The following TMEM135 variants were observed in gnomAD, a reference collection of about 807,000 sequenced individuals.
The protein encoded by TMEM135 is transmembrane protein 135, also known as peroxisomal membrane protein 52.
Under a neutral mutation model 60.3 loss-of-function variants are expected in TMEM135, and 30 were observed. That is an observed-to-expected ratio of 0.50 (90% CI 0.37 to 0.68). The LOEUF is 0.68. Among genes scored for constraint, TMEM135 ranks in the 30% least tolerant of loss-of-function variants. TMEM135 has a pLI of 0.00. For missense variants in TMEM135, 468 were observed against 548.8 expected, an observed-to-expected ratio of 0.85 and a Z score of 1.47; for synonymous variants, 190 against 186.7, an observed-to-expected ratio of 1.02 and a Z score of -0.14.
intron 5 of TMEM135, among the ~76,000 whole-genome samples, chr11:87,184,375 T>A (rs933057756): frequency 2.6e-5 from 4 of 152,182 alleles, no homozygotes; most frequent in Non-Finnish European, 5.9e-5. Flanking sequence ...AATGTTGGTC[T>A]GGGAAAAATG....
At chr11:87,249,124 T>G (rs1028674019) in intron 6 of TMEM135, among the ~76,000 whole-genome samples, 2 of 152,236 alleles carry the variant, frequency 1.3e-5, no homozygotes, top group African/African-American at 4.8e-5. Context: ...CTTCCAGTAC[T>G]ACGTTGAATA....
chr11:87,050,523 A>G (rs1361970760), intron 1 of TMEM135, among the ~76,000 whole-genome samples: 1 of 57,640 alleles, frequency 1.7e-5, no homozygotes, highest in Non-Finnish European at 2.8e-5. Context: ...ACCATCAGAG[A>G]ATACTACAAA....
chr11:87,100,691 G>A (rs973421924), intron 4 of TMEM135, among the ~76,000 whole-genome samples: 2 of 152,094 alleles, frequency 1.3e-5, no homozygotes, highest in African/African-American at 2.4e-5. Flanking sequence ...GTGAAACTCC[G>A]TATCTACTAA....
At chr11:87,138,027 C>T (rs1323892917) in intron 4 of TMEM135, among the ~76,000 whole-genome samples, 2 of 151,696 alleles carry the variant, frequency 1.3e-5, no homozygotes, top group Non-Finnish European at 2.9e-5. Flanking sequence ...ATGCATATTT[C>T]CTGTGTACTG....
At chr11:87,090,662 A>G (rs952804141) in intron 3 of TMEM135, among the ~76,000 whole-genome samples, 5 of 152,112 alleles carry the variant, frequency 3.3e-5, no homozygotes, top group Non-Finnish European at 7.4e-5. Flanking sequence ...TGCTTCATTC[A>G]TTTCTCATAT....
chr11:87,260,316 A>C (rs893513341), intron 6 of TMEM135, among the ~76,000 whole-genome samples: 2 of 152,162 alleles, frequency 1.3e-5, no homozygotes, highest in African/African-American at 2.4e-5. Context: ...ATTGTGGATG[A>C]ACCTTCCTTG....
intron 6 of TMEM135, among the ~76,000 whole-genome samples, chr11:87,283,684 C>G (rs1256843949): frequency 1.1e-4 from 16 of 151,994 alleles, no homozygotes; most frequent in Non-Finnish European, 2.1e-4. Context: ...ATGGTGAAAC[C>G]CTGTTTCTGC....
At chr11:87,074,924 C>G (rs1445952091) in intron 3 of TMEM135, among the ~76,000 whole-genome samples, 1 of 151,890 alleles carries the variant, frequency 6.6e-6, no homozygotes, top group African/African-American at 2.4e-5. Context: ...TGATGTATTT[C>G]TTTCTTTTCC....
intron 6 of TMEM135, among the ~76,000 whole-genome samples, chr11:87,289,984 G>A (rs771489631): frequency 4.0e-5 from 6 of 148,892 alleles, no homozygotes; most frequent in Non-Finnish European, 6.0e-5. Flanking sequence ...TGGCTGTATA[G>A]TATTCCATGG....
At chr11:87,115,963 T>A (rs1857868357) in intron 4 of TMEM135, among the ~76,000 whole-genome samples, 1 of 152,106 alleles carries the variant, frequency 6.6e-6, no homozygotes, top group African/African-American at 2.4e-5. Context: ...AAATTAAAAA[T>A]ATTAATCTAT....
At chr11:87,056,847 T>G (rs1055612412) in intron 1 of TMEM135, among the ~76,000 whole-genome samples, 1 of 152,254 alleles carries the variant, frequency 6.6e-6, no homozygotes, top group Non-Finnish European at 1.5e-5. Flanking sequence ...GGAACAAATA[T>G]GTATACTTTC....
At position 87,159,754 on chromosome 11, in the gene TMEM135, G is replaced by T. The variant is rs904352931; in HGVS notation, c.462+2348G>T. On this transcript the variant is annotated intron_variant, in intron 5 of 14. Coordinates refer to ENST00000305494, the MANE Select transcript of TMEM135 (RefSeq NM_022918.4). ...AAAAGGAAAAAGTCTGGGAGAGTGTGGAAATAGTTTAAGTTGAGTCTGGAA... is the reference window on the plus strand; with the variant it reads ...AAAAGGAAAAAGTCTGGGAGAGTGTTGAAATAGTTTAAGTTGAGTCTGGAA... 2.4e-4 allele frequency among the ~76,000 whole-genome samples: 37 copies of T among 151,970 alleles called. 1 individual carries two copies. The highest frequency in any genetic ancestry group is 8.5e-4 in the Admixed American group (13 of 15,252).
At chr11:87,051,003 G>A in intron 1 of TMEM135, among the ~76,000 whole-genome samples, 2 of 87,714 alleles carry the variant, frequency 2.3e-5, no homozygotes, top group African/African-American at 6.3e-5. Flanking sequence ...ATGCAAGGCT[G>A]GTTCAATATA....
At chr11:87,111,852 A>G (rs1857760614) in intron 4 of TMEM135, among the ~76,000 whole-genome samples, 1 of 152,068 alleles carries the variant, frequency 6.6e-6, no homozygotes, top group Admixed American at 6.6e-5. Flanking sequence ...CCATTTATAG[A>G]TGAGCAAAAC....
chr11:87,157,520 A>C lies in TMEM135; in HGVS notation c.462+114A>C, dbSNP rs148515553. On this transcript the variant is annotated intron_variant, in intron 5 of 14. Coordinates refer to ENST00000305494, the MANE Select transcript of TMEM135 (RefSeq NM_022918.4). The stretch of plus-strand genomic sequence containing the variant: ...TGTCTAAGAAATAGAGAGATATCTG[A>C]TGTATATAATATTGAGTGTACCTGA... The C allele has an allele frequency of 7.9e-4, 709 of 894,796 alleles. 3 individuals carry two copies. The African/African-American group carries it at 0.011, about 14-fold the overall frequency. 55.4% of individuals were successfully genotyped at this position (894,796 alleles called of 1,614,324 possible).
rs116485229 is a variant in TMEM135 at position 87,205,036 on chromosome 11, G to A, written c.463-31602G>A. On this transcript the variant is annotated intron_variant, in intron 5 of 14. Transcript: ENST00000305494. Reference sequence around the variant, plus strand: ...AAACTATTGCACTTTTAAAATTAGTGCTTTATTGTTTAATACTAATTATTC... The same window carrying A: ...AAACTATTGCACTTTTAAAATTAGTACTTTATTGTTTAATACTAATTATTC... Among the ~76,000 whole-genome samples, 306 of 152,050 alleles carry A rather than the reference G, an allele frequency of 2.0e-3. 6 individuals carry two copies. The highest frequency in any genetic ancestry group is 6.9e-3 in the African/African-American group (287 of 41,472).
Position 87,037,948 on chromosome 11 carries a change from A to G in TMEM135, c.-98A>G, listed in dbSNP as rs1949716324. ...CTTTCCCCTCCATTCCGCACCTCCG[A>G]GTGCTGGCCGGGCGAGAGGCTGGCG... On this transcript the variant is annotated 5_prime_UTR_variant, in exon 1 of 15. Transcript: ENST00000305494. 2 of 1,569,944 alleles carry G rather than the reference A, an allele frequency of 1.3e-6. No individual in the cohort carries two copies. The highest frequency in any genetic ancestry group is 1.3e-5 in the African/African-American group (1 of 74,182).
rs561321152 is a variant in TMEM135 at position 87,323,814 on chromosome 11, A to T, written c.*2481A>T. 4.4e-6 allele frequency: 2 copies of T among 453,744 alleles called. No individual in the cohort carries two copies. Among genetic ancestry groups the T allele is most frequent in the African/African-American group, 2.0e-5 (1 of 50,082 alleles). 28.1% of individuals were successfully genotyped at this position (453,744 alleles called of 1,614,324 possible). A position where few individuals can be genotyped will look rare whatever the true frequency, so the allele number is the denominator to read the frequency against. ...CAGTTTTTCATCAAATAATTTCAGG[A>T]TCCATTTTATTACTCATTTTTGAAG... On this transcript the variant is annotated 3_prime_UTR_variant, in exon 15 of 15. Coordinates refer to ENST00000305494, the MANE Select transcript of TMEM135 (RefSeq NM_022918.4).
chr11:87,236,907 AT>A (rs1377094167), intron 6 of TMEM135, among the ~76,000 whole-genome samples: 1 of 151,644 alleles, frequency 6.6e-6, no homozygotes, highest in Non-Finnish European at 1.5e-5. Flanking sequence ...CCCCCATTCT[AT>A]TTATAAGTTC....
Sources: gnomAD v4.1 joint callset for allele counts (sites outside exome capture counted in the v4.1 genomes callset) on GRCh38, gnomAD v4.1.1 for gene constraint, MANE v1.5 for transcripts, NCBI Gene and HGNC (gene_info 2026-07-23, HGNC 2026-07-21) for gene names.